The following EML5 variants were observed in gnomAD, a reference collection of about 807,000 sequenced individuals.
The protein encoded by EML5 is EMAP like 5, also known as echinoderm microtubule-associated protein-like 5.
EML5 carries 120 observed loss-of-function variants against 250.0 expected under a neutral mutation model. The observed-to-expected ratio is 0.48, with a 90% CI of 0.41 to 0.56. The LOEUF is 0.56. EML5 is among the 20% of genes least tolerant of loss of function. The pLI is 0.00. For synonymous variants in EML5, 771 were observed against 806.5 expected (o/e 0.96, Z 0.75); for missense variants, 2,006 against 2,437.6 (o/e 0.82, Z 3.73).
intron 22 of EML5, 122 bp downstream of exon 22, chr14:88,665,215 C>G: frequency 9.5e-7 from 1 of 1,049,292 alleles, no homozygotes; most frequent in Non-Finnish European, 1.3e-6. Context: ...TGCTACACTG[C>G]CTCTTCTAGT....
intron 25 of EML5, 104 bp downstream of exon 25, chr14:88,661,550 A>G (rs1248141647): frequency 1.1e-5 from 11 of 1,007,066 alleles, no homozygotes; most frequent in Non-Finnish European, 1.6e-5. Context: ...ACAACATTAC[A>G]TATTACATAT....
chr14:88,667,033 G>A (rs552435902), intron 21 of EML5, among the ~76,000 whole-genome samples: 1 of 152,122 alleles, frequency 6.6e-6, no homozygotes, highest in East Asian at 1.9e-4. Context: ...TTGACCAACT[G>A]GATGTGGGGT....
chr14:88,671,117 C>T (rs1207727695), intron 21 of EML5, among the ~76,000 whole-genome samples: 1 of 152,002 alleles, frequency 6.6e-6, no homozygotes, highest in Non-Finnish European at 1.5e-5. Context: ...TCAGATTCTC[C>T]AAGGTCAAAA....
At chr14:88,713,819 T>TA (rs1292470326) in intron 9 of EML5, among the ~76,000 whole-genome samples, 6 of 149,194 alleles carry the variant, frequency 4.0e-5, no homozygotes, top group Non-Finnish European at 8.9e-5. Flanking sequence ...GTTATATTAT[T>TA]AATATTTGCA....
At chr14:88,710,887 A>G (rs2093394120) in intron 10 of EML5, among the ~76,000 whole-genome samples, 1 of 152,228 alleles carries the variant, frequency 6.6e-6, no homozygotes, top group Non-Finnish European at 1.5e-5. Context: ...CACATTTTAT[A>G]AATGAAATAA....
rs572769073 is a variant in EML5, at chr14:88,683,988, G to A, written c.2982+1027C>T. Among the ~76,000 whole-genome samples the A allele has an allele frequency of 3.3e-5, 5 of 152,028 alleles. No homozygotes were observed. In the East Asian group the frequency reaches 9.8e-4, roughly 30 times the overall value. ...ATTGGACAAGAAAAAGAAATAGCAG[G>A]CATCCAGATTGGACAAGAAGAAGTA... On this transcript the variant is annotated intron_variant, in intron 20 of 43. Coordinates refer to ENST00000554922, the MANE Select transcript of EML5 (RefSeq NM_183387.3).
At chr14:88,682,401 A>T (rs963716473) in intron 20 of EML5, among the ~76,000 whole-genome samples, 2 of 147,358 alleles carry the variant, frequency 1.4e-5, no homozygotes, top group Non-Finnish European at 2.9e-5. Flanking sequence ...AACTAGTAAA[A>T]ATCAATTAAA....
chr14:88,691,855 C>T (rs540344800), intron 17 of EML5, among the ~76,000 whole-genome samples: 4 of 152,162 alleles, frequency 2.6e-5, no homozygotes, highest in Non-Finnish European at 5.9e-5. Context: ...AACATTCATC[C>T]TTTTATGCTT....
Position 88,695,406 on chromosome 14 carries a change from A to G in EML5, c.2393T>C (p.Val798Ala). 1.2e-6 allele frequency: 2 copies of G among 1,612,800 alleles called. No homozygotes were observed. Among genetic ancestry groups the G allele is most frequent in the Non-Finnish European group, 1.7e-6 (2 of 1,179,370 alleles). The change falls in exon 16 of 44, where the codon GTT becomes GCT. Residue 798 changes from valine (V) to alanine (A), a missense_variant. Around this residue, in one of 7 missense-constraint regions of EML5, gnomAD observed 1,375 missense variants for 1,590.3 expected, o/e 0.86. Transcript: ENST00000554922. Reference protein sequence around the residue: ...ASVGIDDSHTVVLWDWKKGEK... With the variant: ...ASVGIDDSHTAVLWDWKKGEK... Reference sequence around the variant, plus strand: ...TCCTTTCTTCCAGTCCCAGAGCACAACAGTATGGCTATCATCTATGCCAAC... The same window carrying G: ...TCCTTTCTTCCAGTCCCAGAGCACAGCAGTATGGCTATCATCTATGCCAAC...
intron 32 of EML5, among the ~76,000 whole-genome samples, chr14:88,637,257 C>A (rs2090791345): frequency 6.6e-6 from 1 of 152,066 alleles, no homozygotes; most frequent in Admixed American, 6.5e-5. Flanking sequence ...AAGAATGGAG[C>A]TACATATATA....
At chr14:88,766,811 A>C (rs1367172422) in intron 1 of EML5, among the ~76,000 whole-genome samples, 2 of 152,082 alleles carry the variant, frequency 1.3e-5, no homozygotes, top group African/African-American at 2.4e-5. Context: ...CCAGACACCC[A>C]GCTTTAAAAT....
chr14:88,672,818 C>T (rs1356658442), intron 21 of EML5, among the ~76,000 whole-genome samples: 1 of 152,104 alleles, frequency 6.6e-6, no homozygotes, highest in African/African-American at 2.4e-5. Context: ...GACACATACA[C>T]TCTCCAAAGA....
intron 27 of EML5, among the ~76,000 whole-genome samples, chr14:88,652,321 C>A (rs2091667326): frequency 6.6e-6 from 1 of 152,092 alleles, no homozygotes; most frequent in Non-Finnish European, 1.5e-5. Context: ...GGAGGCACTG[C>A]GCCCTTAACA....
chr14:88,684,873 CATTAA>C (rs1476909803), intron 20 of EML5, 137 bp downstream of exon 20: 5 of 706,448 alleles, frequency 7.1e-6, no homozygotes, highest in Non-Finnish European at 1.0e-5. Context: ...TTTCTGTATA[CATTAA>C]ATTTTTTTTC....
intron 37 of EML5, chr14:88,622,345 C>A (rs1391524118): frequency 6.1e-6 from 2 of 325,652 alleles, no homozygotes; most frequent in Non-Finnish European, 1.1e-5. Context: ...ATTATGTCTA[C>A]TAGAGTTGTT....
At chr14:88,724,273 CAAAAAA>C (rs1158845753) in intron 8 of EML5, among the ~76,000 whole-genome samples, 1 of 80,730 alleles carries the variant, frequency 1.2e-5, no homozygotes. Flanking sequence ...GACTCCATAT[CAAAAAA>C]AAAAAAAAAA....
At chr14:88,726,794 G>C (rs2093672851) in intron 7 of EML5, 116 bp from the exon 8 acceptor site, 1 of 715,358 alleles carries the variant, frequency 1.4e-6, no homozygotes, top group African/African-American at 1.8e-5. Context: ...TTAACTATCT[G>C]TTGTGTGGCA....
rs763203509 is a variant in EML5 at position 88,738,944 on chromosome 14, A to C, written c.782T>G (p.Leu261Arg). The C allele has an allele frequency of 2.5e-6, 4 of 1,604,750 alleles. No individual in the cohort carries two copies. Among genetic ancestry groups the C allele is most frequent in the Non-Finnish European group, 3.4e-6 (4 of 1,175,580 alleles). ...ATGGRDGCIR[L>R]WDLTFKPITV... ...AATTGGTTTAAAAGTTAAATCCCAA[A>C]GACGAATACAACCATCTCTGCCACC... Residue 261 changes from leucine (L) to arginine (R), a missense_variant, in exon 6 of 44, where the codon CTT becomes CGT. This residue lies in a region of EML5 where 1,375 missense variants were observed against 1,590.3 expected (regional missense o/e 0.86). Transcript: ENST00000554922.
chr14:88,759,698 A>ACAAAAAAAAAAAAAC (rs1555374471), intron 1 of EML5, among the ~76,000 whole-genome samples: 1 of 142,112 alleles, frequency 7.0e-6, no homozygotes. Context: ...AAAAAAAAAA[A>ACAAAAAAAAAAAAAC]AAAAAACTGG....
Sources: allele counts gnomAD v4.1 joint callset (sites outside exome capture counted in the v4.1 genomes callset), GRCh38; gene constraint gnomAD v4.1.1; regional missense constraint gnomAD v4.1.1; transcripts MANE v1.5; gene names NCBI Gene and HGNC (gene_info 2026-07-23, HGNC 2026-07-21).